The following TMEM132C variants were observed in gnomAD, a reference collection of about 807,000 sequenced individuals.
TMEM132C encodes the protein protein phosphatase 1, regulatory subunit 152.
In TMEM132C, 29 loss-of-function variants were observed where a neutral mutation model predicts 61.4. The observed-to-expected ratio is 0.47, with a 90% confidence interval of 0.35 to 0.64. TMEM132C has a LOEUF of 0.64. TMEM132C is among the 30% of genes least tolerant of loss of function. The probability of loss-of-function intolerance (pLI) is 0.00; values close to 1 mark genes in which losing one functional copy is unlikely to be tolerated. For missense variants in TMEM132C, 1,408 were observed against 1,476.9 expected, an observed-to-expected ratio of 0.95 and a Z score of 0.76; for synonymous variants, 656 against 633.1, an observed-to-expected ratio of 1.04 and a Z score of -0.54.
At chr12:128,406,081 C>CTT (rs1875334251) in intron 1 of TMEM132C, among the ~76,000 whole-genome samples, 1 of 152,214 alleles carries the variant, frequency 6.6e-6, no homozygotes, top group South Asian at 2.1e-4. Flanking sequence ...CTTAACACCT[C>CTT]TGATGCACTG....
intron 1 of TMEM132C, among the ~76,000 whole-genome samples, chr12:128,269,132 G>A (rs1361157136): frequency 6.6e-6 from 1 of 152,106 alleles, no homozygotes; most frequent in Non-Finnish European, 1.5e-5. Context: ...GGCCATTGAA[G>A]AATTCCCTTC....
intron 4 of TMEM132C, among the ~76,000 whole-genome samples, chr12:128,622,355 AAAAAAATATAT>A (rs1195430091): frequency 3.2e-5 from 2 of 62,790 alleles, no homozygotes; most frequent in South Asian, 4.6e-4. Flanking sequence ...AAAAAAAAAA[AAAAAAATATAT>A]ATATATATAT....
chr12:128,327,696 A>G (rs757025369), intron 1 of TMEM132C, among the ~76,000 whole-genome samples: 2 of 152,266 alleles, frequency 1.3e-5, no homozygotes, highest in Non-Finnish European at 2.9e-5. Context: ...GCTTGGTTTT[A>G]TACATTTTAG....
intron 1 of TMEM132C, among the ~76,000 whole-genome samples, chr12:128,296,442 G>C (rs1871418727): frequency 6.6e-6 from 1 of 152,224 alleles, no homozygotes; most frequent in Non-Finnish European, 1.5e-5. Context: ...TCACAGGAGA[G>C]ATGACACTGG....
At chr12:128,427,678 C>T (rs1309300579) in intron 2 of TMEM132C, among the ~76,000 whole-genome samples, 1 of 152,112 alleles carries the variant, frequency 6.6e-6, no homozygotes, top group Non-Finnish European at 1.5e-5. Context: ...GACTTTCTTC[C>T]TCCATCACCT....
intron 2 of TMEM132C, among the ~76,000 whole-genome samples, chr12:128,515,066 C>G (rs73159884): frequency 0.15 from 23,537 of 152,252 alleles, 2,381 homozygotes; most frequent in Non-Finnish European, 0.23. Flanking sequence ...AACTCGATCC[C>G]TAGCATATTG....
chr12:128,359,120 A>G (rs911011512), intron 1 of TMEM132C, among the ~76,000 whole-genome samples: 9 of 152,206 alleles, frequency 5.9e-5, no homozygotes, highest in Non-Finnish European at 2.9e-5. Context: ...GAAGTAGTGG[A>G]GCCCAGGACT....
At chr12:128,489,935 G>C (rs751300507) in intron 2 of TMEM132C, among the ~76,000 whole-genome samples, 1 of 152,276 alleles carries the variant, frequency 6.6e-6, no homozygotes, top group South Asian at 2.1e-4. Flanking sequence ...TCGTCCACGT[G>C]TATGCCACCA....
intron 3 of TMEM132C, among the ~76,000 whole-genome samples, chr12:128,553,907 G>A (rs959748271): frequency 1.3e-5 from 2 of 152,234 alleles, no homozygotes; most frequent in Non-Finnish European, 2.9e-5. Flanking sequence ...GGGACCCCGC[G>A]TGGTGCCCCT....
chr12:128,316,688 CATT>C (rs1872165268), intron 1 of TMEM132C, among the ~76,000 whole-genome samples: 1 of 152,132 alleles, frequency 6.6e-6, no homozygotes, highest in Non-Finnish European at 1.5e-5. Context: ...GTCTCTGTCC[CATT>C]ATTTTTAACA....
chr12:128,683,238 A>C (rs1017250276), intron 5 of TMEM132C, among the ~76,000 whole-genome samples: 1 of 152,148 alleles, frequency 6.6e-6, no homozygotes, highest in Admixed American at 6.5e-5. Flanking sequence ...CCATCTGCCA[A>C]GCCCGAGGTT....
chr12:128,350,688 G>A (rs1171265517), intron 1 of TMEM132C, among the ~76,000 whole-genome samples: 1 of 151,992 alleles, frequency 6.6e-6, no homozygotes, highest in East Asian at 1.9e-4. Context: ...CCAGATTGGA[G>A]CTGTTCCCAG....
chr12:128,633,444 C>T (rs901461722), intron 4 of TMEM132C, among the ~76,000 whole-genome samples: 2 of 152,176 alleles, frequency 1.3e-5, no homozygotes, highest in Admixed American at 1.3e-4. Flanking sequence ...TGCACAGAGA[C>T]ATAGGATGTT....
chr12:128,276,358 C>T lies in TMEM132C; in HGVS notation c.85+8871C>T, dbSNP rs543539966. 3.9e-5 allele frequency among the ~76,000 whole-genome samples: 6 copies of T among 152,298 alleles called. No individual in the cohort carries two copies. In the South Asian group the frequency reaches 1.2e-3, roughly 32 times the overall value. On this transcript the variant is annotated intron_variant, in intron 1 of 8. Coordinates refer to ENST00000435159, the MANE Select transcript of TMEM132C (RefSeq NM_001136103.3). ...AAAACACAAAGCAAAGAAAACAGAA[C>T]TGTGCATTCAACAATATCGGGGAAT...
intron 1 of TMEM132C, among the ~76,000 whole-genome samples, chr12:128,273,334 T>C (rs1363644783): frequency 6.6e-6 from 1 of 152,204 alleles, no homozygotes; most frequent in Non-Finnish European, 1.5e-5. Context: ...TTCTAAAATC[T>C]ATTTTATCTG....
chr12:128,357,057 A>T (rs1262960299), intron 1 of TMEM132C, among the ~76,000 whole-genome samples: 1 of 152,090 alleles, frequency 6.6e-6, no homozygotes, highest in Non-Finnish European at 1.5e-5. Flanking sequence ...ATACTAAAAA[A>T]CCCATTAAGT....
At chr12:128,701,851 C>T (rs573501025) in intron 8 of TMEM132C, among the ~76,000 whole-genome samples, 5 of 151,650 alleles carry the variant, frequency 3.3e-5, no homozygotes, top group Non-Finnish European at 5.9e-5. Context: ...AGAAATTCTA[C>T]GTGGCTCTTT....
At chr12:128,355,837 C>T (rs1873485920) in intron 1 of TMEM132C, among the ~76,000 whole-genome samples, 1 of 152,108 alleles carries the variant, frequency 6.6e-6, no homozygotes, top group African/African-American at 2.4e-5. Flanking sequence ...TGGAGCTTTA[C>T]TTAAATGCCA....
chr12:128,593,679 C>A (rs1875841284), intron 3 of TMEM132C, among the ~76,000 whole-genome samples: 1 of 152,152 alleles, frequency 6.6e-6, no homozygotes, highest in Admixed American at 6.5e-5. Flanking sequence ...GAGGCACATT[C>A]GACACCCAGC....
Sources: allele counts gnomAD v4.1 joint callset (sites outside exome capture counted in the v4.1 genomes callset), GRCh38; gene constraint gnomAD v4.1.1; transcripts MANE v1.5; gene names NCBI Gene and HGNC (gene_info 2026-07-23, HGNC 2026-07-21).